FAM20C: variants seen among roughly 807,000 people sequenced by gnomAD.
FAM20C encodes the protein FAM20C golgi associated secretory pathway kinase.
A neutral mutation model predicts 51.5 loss-of-function variants in FAM20C; 40 were observed. The ratio of observed to expected loss-of-function variants is 0.78; its 90% CI spans 0.60 to 1.01. FAM20C has a LOEUF of 1.01. FAM20C is among the 50% of genes least tolerant of loss of function. The probability of loss-of-function intolerance (pLI) is 0.00; values close to 1 mark genes in which losing one functional copy is unlikely to be tolerated. For synonymous variants in FAM20C, 406 were observed against 380.6 expected (o/e 1.07, Z -0.78); for missense variants, 861 against 844.7 (o/e 1.02, Z -0.24).
rs977964806 is a variant in FAM20C, at chr7:255,958, C to T, written c.1182C>T (p.Asp394=). 1.3e-6 allele frequency: 2 copies of T among 1,536,120 alleles called. No homozygotes were observed. The highest frequency in any genetic ancestry group is 1.4e-5 in the African/African-American group (1 of 73,050). Residue 394 remains aspartate, a synonymous_variant, in exon 6 of 10, where the codon GAC becomes GAT. Transcript: ENST00000313766. Reference sequence around the variant, plus strand: ...GCTCGCTGGCGGCCTTCCTGCCCGACCTGTCCCTGGCCAAGAGGAAGACCT... The same window carrying T: ...GCTCGCTGGCGGCCTTCCTGCCCGATCTGTCCCTGGCCAAGAGGAAGACCT... ...IEGSLAAFLP[D]LSLAKRKTWR...
At chr7:234,449 G>T (rs1034379728) in intron 3 of FAM20C, among the ~76,000 whole-genome samples, 1 of 152,208 alleles carries the variant, frequency 6.6e-6, no homozygotes, top group African/African-American at 2.4e-5. Context: ...CCTGTATCGG[G>T]GGTGGCTGGC....
intron 3 of FAM20C, among the ~76,000 whole-genome samples, chr7:214,186 G>A (rs1220146844): frequency 2.6e-5 from 4 of 152,050 alleles, no homozygotes; most frequent in Non-Finnish European, 5.9e-5. Flanking sequence ...TTAGCTGGGC[G>A]TGGTGATGCA....
In FAM20C at chr7:248,301, C is replaced by T; in HGVS notation, c.957-14C>T. 6.5e-7 allele frequency: 1 copy of T among 1,531,072 alleles called. No individual in the cohort carries two copies. The highest frequency in any genetic ancestry group is 1.4e-5 in the African/African-American group (1 of 73,106). The allele number at this position is 1,531,072 out of a possible 1,614,324, so 94.8% of individuals were successfully genotyped here. A position where few individuals can be genotyped will look rare whatever the true frequency, so the allele number is the denominator to read the frequency against. Reference sequence around the variant, plus strand: ...GCACAGAGCACAGACCATTCCCCGCCCGTTTCTTGCCAGGATCCTGGACTT... The same window carrying T: ...GCACAGAGCACAGACCATTCCCCGCTCGTTTCTTGCCAGGATCCTGGACTT... On this transcript the variant is annotated splice_polypyrimidine_tract_variant and intron_variant, in intron 4 of 9. Coordinates refer to ENST00000313766, the MANE Select transcript of FAM20C (RefSeq NM_020223.4).
At chr7:211,005 G>C (rs28519529) in intron 3 of FAM20C, among the ~76,000 whole-genome samples, 1 of 151,612 alleles carries the variant, frequency 6.6e-6, no homozygotes, top group Non-Finnish European at 1.5e-5. Context: ...TTACCGCTGC[G>C]TAAAGACGAG....
At chr7:230,375 G>GC (rs1554253409) in intron 3 of FAM20C, among the ~76,000 whole-genome samples, 1 of 102,124 alleles carries the variant, frequency 9.8e-6, no homozygotes, top group Non-Finnish European at 2.1e-5. Flanking sequence ...GACGGGGTGG[G>GC]GGGGGGGGGG....
chr7:259,599 T>C, intron 9 of FAM20C, 132 bp from the exon 10 acceptor site: 1 of 1,112,418 alleles, frequency 9.0e-7, no homozygotes. Context: ...TTTTTCTCTC[T>C]GTCTCTGTCC....
intron 3 of FAM20C, chr7:227,742 C>G (rs150355649): frequency 3.9e-5 from 6 of 152,392 alleles, no homozygotes; most frequent in African/African-American, 9.6e-5. Context: ...GTGTTTAAAA[C>G]TACAGTGGGT....
At chr7:253,709 C>T (rs908629967) in intron 5 of FAM20C, among the ~76,000 whole-genome samples, 1 of 136,422 alleles carries the variant, frequency 7.3e-6, no homozygotes. Context: ...TGAGGTCACA[C>T]AGCTCCAAGC....
At chr7:220,701 G>A (rs907984588) in intron 3 of FAM20C, among the ~76,000 whole-genome samples, 3 of 152,212 alleles carry the variant, frequency 2.0e-5, no homozygotes, top group Non-Finnish European at 4.4e-5. Context: ...GGCCACGTGT[G>A]CAGGGGAGAG....
intron 3 of FAM20C, among the ~76,000 whole-genome samples, chr7:226,345 G>C (rs1023046033): frequency 2.0e-5 from 3 of 152,150 alleles, no homozygotes; most frequent in Admixed American, 1.3e-4. Context: ...GCAGGGGGTG[G>C]AAGGTTTGAA....
chr7:217,449 G>C (rs1787054134), intron 3 of FAM20C, among the ~76,000 whole-genome samples: 1 of 4,280 alleles, frequency 2.3e-4, no homozygotes, highest in African/African-American at 8.7e-4. Flanking sequence ...TGTGCATCAA[G>C]GGGGTAACAT....
intron 8 of FAM20C, chr7:257,437 G>A (rs1018901409): frequency 7.2e-5 from 17 of 235,222 alleles, no homozygotes; most frequent in African/African-American, 2.7e-4. Flanking sequence ...GCCAGCCAGC[G>A]GGGGATAGGC....
intron 3 of FAM20C, among the ~76,000 whole-genome samples, chr7:227,081 C>G (rs1266509000): frequency 2.6e-5 from 4 of 152,112 alleles, no homozygotes; most frequent in Non-Finnish European, 5.9e-5. Flanking sequence ...CGTGGGGTCT[C>G]CTGGAAAAGA....
intron 3 of FAM20C, among the ~76,000 whole-genome samples, chr7:241,942 C>T (rs1047485223): frequency 0.053 from 8,128 of 152,182 alleles, 277 homozygotes; most frequent in Middle Eastern, 0.095. Flanking sequence ...TGTGTGTGTG[C>T]GTGCGTATGC....
At chr7:218,882 G>A (rs887160601) in intron 3 of FAM20C, among the ~76,000 whole-genome samples, 3 of 148,448 alleles carry the variant, frequency 2.0e-5, no homozygotes, top group South Asian at 4.3e-4. Context: ...CTGTCCGGCC[G>A]GGAGCTGACA....
In FAM20C at chr7:200,659, A is replaced by G. The variant is rs117941444; in HGVS notation, c.784+4927A>G. ...TTTTCTTTTAAAAAACAGATCTTTC[A>G]AAATAAAAGGGGCCTTGAAGAAAAT... On this transcript the variant is annotated intron_variant, in intron 2 of 9. Transcript: ENST00000313766. 4.6e-4 allele frequency among the ~76,000 whole-genome samples: 70 copies of G among 152,356 alleles called. 1 individual carries two copies. The East Asian group carries it at 0.01, about 22-fold the overall frequency.
chr7:254,745 C>CAGGCG (rs1788524182), intron 5 of FAM20C, among the ~76,000 whole-genome samples: 1 of 152,232 alleles, frequency 6.6e-6, no homozygotes, highest in Non-Finnish European at 1.5e-5. Context: ...GTACCATGAG[C>CAGGCG]AGGCGGTCAC....
intron 3 of FAM20C, chr7:246,120 G>A (rs2115144784): frequency 3.4e-6 from 1 of 296,412 alleles, no homozygotes; most frequent in Non-Finnish European, 6.5e-6. Flanking sequence ...GGGCCCATGG[G>A]GAGCTGGGAC....
At chr7:241,780 AGT>A (rs1291338856) in intron 3 of FAM20C, among the ~76,000 whole-genome samples, 3 of 146,120 alleles carry the variant, frequency 2.1e-5, no homozygotes, top group Admixed American at 6.8e-5. Context: ...TGCATGAGCG[AGT>A]GTGTGTGCAT....
Sources: gnomAD v4.1 joint callset for allele counts (sites outside exome capture counted in the v4.1 genomes callset) on GRCh38, gnomAD v4.1.1 for gene constraint, MANE v1.5 for transcripts, NCBI Gene and HGNC (gene_info 2026-07-23, HGNC 2026-07-21) for gene names.